Variants in OSBPL9 observed in about 807,000 individuals in gnomAD.
OSBPL9 encodes oxysterol-binding protein-related protein 9.
OSBPL9 carries 40 observed loss-of-function variants against 106.6 expected under a neutral mutation model. The ratio of observed to expected loss-of-function variants is 0.38; its 90% confidence interval spans 0.29 to 0.49. OSBPL9 has a LOEUF of 0.49. Ranked by LOEUF, OSBPL9 falls within the 20% of genes least tolerant of loss-of-function variation. OSBPL9 has a pLI of 0.97. For synonymous variants in OSBPL9, 269 were observed against 295.4 expected, an observed-to-expected ratio of 0.91 and a Z score of 0.92; for missense variants, 609 against 887.2, an observed-to-expected ratio of 0.69 and a Z score of 3.98.
chr1:51,693,688 C>A (rs1454047899), intron 3 of OSBPL9, among the ~76,000 whole-genome samples: 1 of 152,162 alleles, frequency 6.6e-6, no homozygotes, highest in Non-Finnish European at 1.5e-5. Flanking sequence ...CATTCTCTCT[C>A]CTCACCTCTT....
Position 51,760,794 on chromosome 1 carries a change from A to G in OSBPL9, c.673+14A>G, listed in dbSNP as rs201223562. On this transcript the variant is annotated intron_variant, in intron 10 of 23. Coordinates refer to ENST00000428468, the MANE Select transcript of OSBPL9 (RefSeq NM_024586.6). Reference sequence around the variant, plus strand: ...TGTTACCTCCAGGTAATTTGGGAAAATGTTTCTTAGATTCATTGATGAGAA... The same window carrying G: ...TGTTACCTCCAGGTAATTTGGGAAAGTGTTTCTTAGATTCATTGATGAGAA... 1.9e-6 allele frequency: 3 copies of G among 1,612,942 alleles called. No individual in the cohort carries two copies. Among genetic ancestry groups the G allele is most frequent in the Non-Finnish European group, 2.5e-6 (3 of 1,179,158 alleles).
Position 51,593,904 on chromosome 1 carries a change from TCACACA to T in OSBPL9, c.-422-4186_-422-4181del, listed in dbSNP as rs58936844. On this transcript the variant is annotated intron_variant, in intron 1 of 25. Coordinates refer to the OSBPL9 transcript ENST00000371714. ...GCACCCTCAAATAATTAATCAGATTTCACACACACACACACACACACACACACACAC... is the reference window on the plus strand; with the variant it reads ...GCACCCTCAAATAATTAATCAGATTTCACACACACACACACACACACACAC... 7.9e-3 allele frequency among the ~76,000 whole-genome samples: 1,104 copies of T among 140,184 alleles called. 14 individuals carry two copies. Among genetic ancestry groups the T allele is most frequent in the Middle Eastern group, 0.022 (6 of 278 alleles). 92.0% of individuals were successfully genotyped at this position (140,184 alleles called of 152,430 possible).
At chr1:51,669,678 G>A (rs1230113231) in intron 3 of OSBPL9, 166 bp downstream of exon 3, 1 of 608,550 alleles carries the variant, frequency 1.6e-6, no homozygotes, top group Admixed American at 2.2e-5. Flanking sequence ...GCAGGGATTT[G>A]TATCTGCAAT....
intron 1 of OSBPL9, among the ~76,000 whole-genome samples, chr1:51,586,360 T>A (rs1441633784): frequency 6.6e-6 from 1 of 152,158 alleles, no homozygotes; most frequent in Admixed American, 6.6e-5. Flanking sequence ...TTGTAAATTT[T>A]TCAAGACATT....
At chr1:51,719,626 A>G (rs1227627535) in intron 4 of OSBPL9, among the ~76,000 whole-genome samples, 1 of 152,184 alleles carries the variant, frequency 6.6e-6, no homozygotes, top group Non-Finnish European at 1.5e-5. Flanking sequence ...TATAAAAATC[A>G]GTTTTATAAA....
chr1:51,762,768 A>G (rs1671795864), intron 11 of OSBPL9, among the ~76,000 whole-genome samples: 1 of 152,194 alleles, frequency 6.6e-6, no homozygotes, highest in African/African-American at 2.4e-5. Context: ...GAACACTTAG[A>G]GCACTTTCCA....
intron 4 of OSBPL9, among the ~76,000 whole-genome samples, chr1:51,738,763 T>C (rs1298158045): frequency 6.6e-6 from 1 of 152,034 alleles, no homozygotes; most frequent in Non-Finnish European, 1.5e-5. Flanking sequence ...TGTAGATCTA[T>C]ATGAAAATTG....
intron 4 of OSBPL9, among the ~76,000 whole-genome samples, chr1:51,741,525 CCT>C (rs1357044508): frequency 6.7e-6 from 1 of 150,118 alleles, no homozygotes; most frequent in Non-Finnish European, 1.5e-5. Context: ...CCTTCCCTTC[CCT>C]CTCTCCCCAC....
intron 3 of OSBPL9, among the ~76,000 whole-genome samples, chr1:51,711,701 C>T (rs922056931): frequency 4.2e-5 from 6 of 144,006 alleles, no homozygotes; most frequent in African/African-American, 1.6e-4. Context: ...TCAGACGGGG[C>T]GGCCGGGCAG....
At chr1:51,760,584 A>G (rs781701587) in intron 9 of OSBPL9, 106 bp from the exon 10 acceptor site, 10 of 1,524,354 alleles carry the variant, frequency 6.6e-6, no homozygotes, top group African/African-American at 2.8e-5. Flanking sequence ...CAACATATCT[A>G]TATAGCTACC....
At chr1:51,593,464 C>T (rs1645286157) in intron 1 of OSBPL9, among the ~76,000 whole-genome samples, 1 of 152,128 alleles carries the variant, frequency 6.6e-6, no homozygotes, top group African/African-American at 2.4e-5. Flanking sequence ...CCAGCCTCAC[C>T]CTAACTCCCC....
intron 1 of OSBPL9, among the ~76,000 whole-genome samples, chr1:51,647,088 A>C (rs1188172903): frequency 3.3e-5 from 5 of 152,144 alleles, no homozygotes; most frequent in Admixed American, 6.5e-5. Flanking sequence ...AACTCAAAGA[A>C]GTTCCCTTCT....
chr1:51,658,943 C>T (rs1646978240), intron 2 of OSBPL9, among the ~76,000 whole-genome samples: 1 of 152,004 alleles, frequency 6.6e-6, no homozygotes, highest in African/African-American at 2.4e-5. Context: ...TTTCTCTTCT[C>T]TATGAATTTA....
At chr1:51,750,429 T>C (rs886507103) in intron 8 of OSBPL9, among the ~76,000 whole-genome samples, 23 of 152,186 alleles carry the variant, frequency 1.5e-4, no homozygotes, top group Non-Finnish European at 2.1e-4. Context: ...GAATGACTCA[T>C]CCCTTCCTTC....
chr1:51,656,560 T>G (rs1646825837), intron 2 of OSBPL9, among the ~76,000 whole-genome samples: 1 of 152,154 alleles, frequency 6.6e-6, no homozygotes, highest in Non-Finnish European at 1.5e-5. Context: ...ACCTCATCTG[T>G]GAAGCCTTTC....
chr1:51,711,345 C>G (rs1400255844), intron 3 of OSBPL9, among the ~76,000 whole-genome samples: 2 of 146,716 alleles, frequency 1.4e-5, no homozygotes, highest in South Asian at 2.2e-4. Context: ...GCTGACCCCC[C>G]CACCTCCCTC....
chr1:51,590,052 AAG>A (rs1200888113), intron 1 of OSBPL9, among the ~76,000 whole-genome samples: 3 of 151,114 alleles, frequency 2.0e-5, no homozygotes, highest in Admixed American at 1.3e-4. Context: ...AAAAAAAAAA[AAG>A]AGAGAGGTAG....
At chr1:51,523,714 G>A in the OSBPL9 span, among the ~76,000 whole-genome samples, 1 of 152,098 alleles carries the variant, frequency 6.6e-6, no homozygotes, top group East Asian at 1.9e-4. Context: ...AGCCTAAAGA[G>A]AAGACCTTAA....
the OSBPL9 span, among the ~76,000 whole-genome samples, chr1:51,530,913 G>T: frequency 6.6e-6 from 1 of 151,924 alleles, no homozygotes; most frequent in African/African-American, 2.4e-5. Flanking sequence ...GGCCGAGGCT[G>T]CAGTGAGCCG....
Sources: gnomAD v4.1 joint callset for allele counts (sites outside exome capture counted in the v4.1 genomes callset) on GRCh38, gnomAD v4.1.1 for gene constraint, MANE v1.5 for transcripts, NCBI Gene and HGNC (gene_info 2026-07-23, HGNC 2026-07-21) for gene names.